HELQ: variants seen among roughly 807,000 people sequenced by gnomAD.
HELQ encodes the protein helicase POLQ-like.
A neutral mutation model predicts 111.6 loss-of-function variants in HELQ; 77 were observed. That is an observed-to-expected ratio of 0.69 (90% CI 0.57 to 0.83). HELQ has a LOEUF of 0.83. Ranked by LOEUF, HELQ falls within the 40% of genes least tolerant of loss-of-function variation. The pLI is 0.00. For synonymous variants in HELQ, 438 were observed against 454.7 expected, an observed-to-expected ratio of 0.96 and a Z score of 0.47; for missense variants, 1,200 against 1,288.5, an observed-to-expected ratio of 0.93 and a Z score of 1.05.
intron 17 of HELQ, 43 bp downstream of exon 17, chr4:83,416,688 C>T: frequency 6.3e-7 from 1 of 1,594,036 alleles, no homozygotes; most frequent in East Asian, 2.2e-5. Flanking sequence ...GGAAATAACA[C>T]TACGCAAGAT....
chr4:83,436,923 T>C lies in HELQ; in HGVS notation c.1983A>G (p.Thr661=). ...ERKLLEEAYS[T]GVLCLFTCTS... ...TGCAGGTAAAAAGACAGAGCACTCC[T>C]GTGGAGTAGGCCTCCTCCAAGAGTT... is the stretch of plus-strand genomic sequence containing the variant. Residue 661 remains threonine (T), a synonymous_variant, in exon 9 of 18, where the codon ACA becomes ACG. Coordinates refer to ENST00000295488, the MANE Select transcript of HELQ (RefSeq NM_133636.5). 2 of 1,614,058 alleles carry C rather than the reference T, an allele frequency of 1.2e-6. No homozygotes were observed.
intron 14 of HELQ, among the ~76,000 whole-genome samples, chr4:83,425,116 C>T (rs888989627): frequency 3.3e-5 from 5 of 151,538 alleles, no homozygotes; most frequent in Non-Finnish European, 7.4e-5. Context: ...CCTGTCTCTC[C>T]TAAAAATACA....
In HELQ at chr4:83,448,828, T is replaced by C. The variant is rs1721193619; in HGVS notation, c.1146A>G (p.Lys382=). The change falls in exon 3 of 18, where the codon AAA becomes AAG. Residue 382 remains lysine, a synonymous_variant. Coordinates refer to ENST00000295488, the MANE Select transcript of HELQ (RefSeq NM_133636.5). ...LMLQELLCCR[K]DVLMILPYVA... ...CATATGGAAGAATCATTAAAACATC[T>C]TTCCGACAGCAAAGCAGTTCTTGCA... is the stretch of plus-strand genomic sequence containing the variant. The C allele has an allele frequency of 1.2e-6, 2 of 1,613,866 alleles. No homozygotes were observed. Among genetic ancestry groups the C allele is most frequent in the Non-Finnish European group, 1.7e-6 (2 of 1,179,976 alleles).
chr4:83,442,824 T>G (rs1256275197), intron 6 of HELQ, among the ~76,000 whole-genome samples: 1 of 152,138 alleles, frequency 6.6e-6, no homozygotes, highest in Non-Finnish European at 1.5e-5. Context: ...AGTGTTGGCA[T>G]TGCAGGTGTG....
chr4:83,441,111 G>T (rs1720732762), intron 7 of HELQ, among the ~76,000 whole-genome samples, 194 bp downstream of exon 7: 1 of 152,196 alleles, frequency 6.6e-6, no homozygotes, highest in Admixed American at 6.5e-5. Flanking sequence ...TCATAGAAAA[G>T]AATATGGTGT....
chr4:83,416,910 G>GA, intron 16 of HELQ, 45 bp from the exon 17 acceptor site: 1 of 1,528,020 alleles, frequency 6.5e-7, no homozygotes, highest in Non-Finnish European at 8.8e-7. Context: ...TTTGGGATTA[G>GA]AAAAAAGAAA....
chr4:83,454,014 G>T, intron 1 of HELQ, 69 bp from the exon 2 acceptor site: 1 of 959,318 alleles, frequency 1.0e-6, no homozygotes, highest in Non-Finnish European at 1.6e-6. Context: ...CACCAGCCTG[G>T]CCAACATGGT....
intron 17 of HELQ, among the ~76,000 whole-genome samples, chr4:83,410,712 G>A (rs13144420): frequency 0.037 from 5,647 of 152,246 alleles, 151 homozygotes; most frequent in Middle Eastern, 0.054. Flanking sequence ...GCTAGCCTTT[G>A]TGATTCACTT....
Position 83,421,651 on chromosome 4 carries a change from GATACAGTCC to G in HELQ, c.2852_2860del (p.Trp951_Val953del). 1 of 1,613,250 alleles carries G rather than the reference GATACAGTCC, an allele frequency of 6.2e-7. No homozygotes were observed. The highest frequency in any genetic ancestry group is 1.7e-4 in the Middle Eastern group (1 of 6,058). Reference sequence around the variant, plus strand: ...TCCTCGAGGCATATTAAATTTTTCAGATACAGTCCAAATGTTGGTCTCTTTGAGCAAGGT... The same window carrying G: ...TCCTCGAGGCATATTAAATTTTTCAGAAATGTTGGTCTCTTTGAGCAAGGT... On this transcript the variant is annotated inframe_deletion, in exon 15 of 18. Coordinates refer to ENST00000295488, the MANE Select transcript of HELQ (RefSeq NM_133636.5).
chr4:83,434,421 A>C (rs1720336972), intron 9 of HELQ, among the ~76,000 whole-genome samples: 1 of 152,172 alleles, frequency 6.6e-6, no homozygotes, highest in Non-Finnish European at 1.5e-5. Flanking sequence ...ATGAATGAAA[A>C]TAGTTAATGG....
At chr4:83,427,005 T>C (rs569497009) in intron 13 of HELQ, among the ~76,000 whole-genome samples, 29 of 152,332 alleles carry the variant, frequency 1.9e-4, no homozygotes, top group African/African-American at 6.7e-4. Flanking sequence ...GTTATTAACG[T>C]CATTGGGTTT....
intron 14 of HELQ, among the ~76,000 whole-genome samples, chr4:83,422,261 C>T (rs1719563742): frequency 6.6e-6 from 1 of 151,814 alleles, no homozygotes. Flanking sequence ...AAAGATAAAC[C>T]AAATTATTTC....
intron 12 of HELQ, 100 bp downstream of exon 12, chr4:83,429,424 C>G: frequency 1.1e-6 from 1 of 872,144 alleles, no homozygotes. Context: ...GTTGGGATTA[C>G]AGGCGTGAGC....
chr4:83,416,268 C>G (rs1739354463), intron 17 of HELQ, among the ~76,000 whole-genome samples: 3 of 150,774 alleles, frequency 2.0e-5, no homozygotes, highest in Admixed American at 1.3e-4. Context: ...GGCGGGGGGA[C>G]AGGGTCTCAA....
At chr4:83,426,340 C>T (rs768797954) in intron 13 of HELQ, among the ~76,000 whole-genome samples, 14 of 151,572 alleles carry the variant, frequency 9.2e-5, no homozygotes, top group Non-Finnish European at 1.6e-4. Flanking sequence ...TATTTAATAC[C>T]AGATGGCTGA....
At chr4:83,414,125 T>C (rs1190999355) in intron 17 of HELQ, among the ~76,000 whole-genome samples, 1 of 152,224 alleles carries the variant, frequency 6.6e-6, no homozygotes, top group Non-Finnish European at 1.5e-5. Context: ...CTTCAGTAAT[T>C]TACACATAAG....
chr4:83,432,729 T>C (rs990747007), intron 9 of HELQ, among the ~76,000 whole-genome samples: 1 of 152,330 alleles, frequency 6.6e-6, no homozygotes, highest in East Asian at 1.9e-4. Flanking sequence ...AAATTGCAGA[T>C]GTCAACTGTT....
At chr4:83,414,324 A>G (rs34077115) in intron 17 of HELQ, among the ~76,000 whole-genome samples, 5 of 152,144 alleles carry the variant, frequency 3.3e-5, no homozygotes, top group South Asian at 2.1e-4. Flanking sequence ...CAAACTTCCC[A>G]GCATCCAGTG....
chr4:83,421,435 T>C (rs1375366876), intron 15 of HELQ, 128 bp downstream of exon 15: 8 of 643,362 alleles, frequency 1.2e-5, no homozygotes, highest in Non-Finnish European at 2.1e-5. Context: ...AGTTTTTTAG[T>C]GCTCTGTAAT....
Sources: allele counts gnomAD v4.1 joint callset (sites outside exome capture counted in the v4.1 genomes callset), GRCh38; gene constraint gnomAD v4.1.1; transcripts MANE v1.5; gene names NCBI Gene and HGNC (gene_info 2026-07-23, HGNC 2026-07-21).